SYCP2: variants seen among roughly 807,000 people sequenced by gnomAD.
SYCP2 encodes the protein synaptonemal complex protein 2.
A neutral mutation model predicts 211.3 loss-of-function variants in SYCP2; 55 were observed. The ratio of observed to expected loss-of-function variants is 0.26; its 90% confidence interval spans 0.21 to 0.33. The LOEUF is 0.33. Ranked by LOEUF, SYCP2 falls within the 10% of genes least tolerant of loss-of-function variation. SYCP2 has a pLI of 1.00. For missense variants in SYCP2, 1,731 were observed against 1,752.0 expected (o/e 0.99, Z 0.21); for synonymous variants, 570 against 555.2 (o/e 1.03, Z -0.37).
intron 13 of SYCP2, 137 bp from the exon 14 acceptor site, chr20:59,911,982 T>TGGTTGGTA: frequency 2.2e-6 from 1 of 459,048 alleles, no homozygotes; most frequent in Non-Finnish European, 3.9e-6. Flanking sequence ...AAGTATAATA[T>TGGTTGGTA]TTAGATAAAT....
intron 31 of SYCP2, among the ~76,000 whole-genome samples, chr20:59,878,653 C>T (rs2059606501): frequency 6.6e-6 from 1 of 151,954 alleles, no homozygotes; most frequent in Non-Finnish European, 1.5e-5. Context: ...TAGTTACTTG[C>T]TTTAAAAACA....
chr20:59,886,977 T>C lies in SYCP2; in HGVS notation c.2365-143A>G, dbSNP rs536276303. The C allele has an allele frequency of 2.9e-5, 18 of 622,084 alleles. No homozygotes were observed. In the East Asian group the frequency reaches 5.4e-4, roughly 19 times the overall value. The allele number at this position is 622,084 out of a possible 1,614,324, so 38.5% of individuals were successfully genotyped here. A position where few individuals can be genotyped will look rare whatever the true frequency, so the allele number is the denominator to read the frequency against. Reference sequence around the variant, plus strand: ...AAGAGAGTCAACTGTTTAGTAAGTTTGAGCTTTGTTAGGCATTAAAATAAG... The same window carrying C: ...AAGAGAGTCAACTGTTTAGTAAGTTCGAGCTTTGTTAGGCATTAAAATAAG... On this transcript the variant is annotated intron_variant, in intron 24 of 44. Coordinates refer to ENST00000357552, the MANE Select transcript of SYCP2 (RefSeq NM_014258.4).
rs753297654 is a variant in SYCP2, at chr20:59,873,963, T to C, written c.3448A>G (p.Asn1150Asp). ...YPKTSSLESL[N>D]SNSGVGGTIK... ...GTACCTCCAACTCCACTGTTACTAT[T>C]TAAGGATTCAAGTGATGAAGTTTTT... Residue 1150 changes from asparagine to aspartate, a missense_variant, in exon 35 of 45, where the codon AAT (asparagine) becomes GAT (aspartate). Transcript: ENST00000357552. 1.9e-6 allele frequency: 3 copies of C among 1,613,412 alleles called. No homozygotes were observed. Among genetic ancestry groups the C allele is most frequent in the Non-Finnish European group, 2.5e-6 (3 of 1,179,592 alleles).
chr20:59,896,365 C>T, intron 19 of SYCP2, 64 bp downstream of exon 19: 1 of 906,642 alleles, frequency 1.1e-6, no homozygotes, highest in South Asian at 1.6e-5. Context: ...TCAGAATTGC[C>T]TTAAATTAAA....
intron 35 of SYCP2, among the ~76,000 whole-genome samples, chr20:59,870,711 C>A (rs2059436301): frequency 6.6e-6 from 1 of 151,678 alleles, no homozygotes; most frequent in African/African-American, 2.4e-5. Flanking sequence ...GTATGTAACA[C>A]CCTATAAATG....
rs533358664 is a variant in SYCP2, at chr20:59,915,768, C to T, written c.514-218G>A. On this transcript the variant is annotated intron_variant, in intron 8 of 44. Transcript: ENST00000357552. ...CAGCACTTTGGGAGGCCAAGGCGGG[C>T]GGATCACTTGATGTCAGGAGTTCGA... is the stretch of plus-strand genomic sequence containing the variant. The T allele has an allele frequency of 2.4e-4, 76 of 313,974 alleles. No homozygotes were observed. The South Asian group carries it at 4.4e-3, about 18-fold the overall frequency. The allele number at this position is 313,974 out of a possible 1,614,324, so 19.4% of individuals were successfully genotyped here. A position where few individuals can be genotyped will look rare whatever the true frequency, so the allele number is the denominator to read the frequency against.
At chr20:59,866,710 A>G (rs2059344894) in intron 39 of SYCP2, 121 bp from the exon 40 acceptor site, 1 of 684,372 alleles carries the variant, frequency 1.5e-6, no homozygotes, top group East Asian at 2.8e-5. Flanking sequence ...TGGAAAAGTG[A>G]AAAATTAAAA....
chr20:59,871,761 C>T (rs1445340026), intron 35 of SYCP2, among the ~76,000 whole-genome samples: 15 of 151,784 alleles, frequency 9.9e-5, no homozygotes, highest in Admixed American at 8.6e-4. Context: ...ACTTATGATA[C>T]CTAATACAAT....
intron 25 of SYCP2, 73 bp downstream of exon 25, chr20:59,886,634 T>A (rs937960884): frequency 1.7e-4 from 193 of 1,141,626 alleles, no homozygotes; most frequent in Non-Finnish European, 2.2e-4. Context: ...TGTTTAAAAT[T>A]AACCTTTTTA....
chr20:59,888,587 A>G (rs1284922759), intron 24 of SYCP2, among the ~76,000 whole-genome samples: 1 of 152,040 alleles, frequency 6.6e-6, no homozygotes, highest in Non-Finnish European at 1.5e-5. Flanking sequence ...CTAAAATCAG[A>G]AACAAAGCAA....
intron 2 of SYCP2, among the ~76,000 whole-genome samples, chr20:59,927,288 A>G (rs1226822308): frequency 1.3e-5 from 2 of 152,152 alleles, no homozygotes; most frequent in African/African-American, 4.8e-5. Flanking sequence ...GTTCCCTGAG[A>G]TGTTCAAAAC....
At chr20:59,890,404 G>A (rs1701128781) in intron 24 of SYCP2, among the ~76,000 whole-genome samples, 1 of 152,034 alleles carries the variant, frequency 6.6e-6, no homozygotes, top group African/African-American at 2.4e-5. Context: ...GTTGGGGGGT[G>A]GAGGCCTAGG....
intron 7 of SYCP2, among the ~76,000 whole-genome samples, chr20:59,917,778 A>G (rs1400488065): frequency 6.6e-6 from 1 of 152,166 alleles, no homozygotes; most frequent in Non-Finnish European, 1.5e-5. Context: ...GCTTGGCACA[A>G]GCAGGCCACA....
intron 2 of SYCP2, among the ~76,000 whole-genome samples, chr20:59,927,012 GACAA>G (rs762384691): frequency 1.2e-4 from 18 of 152,094 alleles, no homozygotes; most frequent in South Asian, 4.1e-4. Context: ...TTTGGCATTG[GACAA>G]ACAGTTTCTG....
intron 24 of SYCP2, among the ~76,000 whole-genome samples, chr20:59,887,795 A>G (rs2059823334): frequency 6.6e-6 from 1 of 151,790 alleles, no homozygotes; most frequent in Admixed American, 6.6e-5. Flanking sequence ...CAGGTTAACT[A>G]AGAAGAAAGA....
At chr20:59,900,670 C>T (rs2060098712) in intron 17 of SYCP2, 74 bp downstream of exon 17, 2 of 1,153,360 alleles carry the variant, frequency 1.7e-6, no homozygotes, top group East Asian at 2.4e-5. Flanking sequence ...CCTCCAACAA[C>T]ACCTTTATTA....
At chr20:59,887,999 A>G (rs902577998) in intron 24 of SYCP2, among the ~76,000 whole-genome samples, 4 of 152,202 alleles carry the variant, frequency 2.6e-5, no homozygotes, top group Admixed American at 6.6e-5. Context: ...GACTAGGCCT[A>G]TATCTATTAA....
Position 59,888,926 on chromosome 20 carries a change from A to G in SYCP2, c.2365-2092T>C, listed in dbSNP as rs186814618. Among the ~76,000 whole-genome samples the G allele has an allele frequency of 1.2e-3, 189 of 152,204 alleles. 1 individual carries two copies. Among genetic ancestry groups the G allele is most frequent in the Admixed American group, 3.5e-3 (53 of 15,258 alleles). ...GAAATACTTAGATGTATATCTAACA[A>G]AACATGTACGAGAGAAAAACTACAA... On this transcript the variant is annotated intron_variant, in intron 24 of 44. Transcript: ENST00000357552.
Position 59,917,877 on chromosome 20 carries a change from C to T in SYCP2, c.427+1281G>A, listed in dbSNP as rs372451292. 2.0e-5 allele frequency among the ~76,000 whole-genome samples: 3 copies of T among 152,072 alleles called. No individual in the cohort carries two copies. The East Asian group carries it at 5.8e-4, about 29-fold the overall frequency. ...AGATCAAAGGTTGGCAAACTATGGC[C>T]CACGAACTAAATGCAACTCACTGCC... is the stretch of plus-strand genomic sequence containing the variant. On this transcript the variant is annotated intron_variant, in intron 7 of 44. Coordinates refer to ENST00000357552, the MANE Select transcript of SYCP2 (RefSeq NM_014258.4).
Sources: allele counts gnomAD v4.1 joint callset (sites outside exome capture counted in the v4.1 genomes callset), GRCh38; gene constraint gnomAD v4.1.1; transcripts MANE v1.5; gene names NCBI Gene and HGNC (gene_info 2026-07-23, HGNC 2026-07-21).